The following FBXO36 variants were observed in gnomAD, a reference collection of about 807,000 sequenced individuals.
FBXO36 encodes F-box protein 36.
FBXO36 carries 18 observed loss-of-function variants against 17.0 expected under a neutral mutation model. The ratio of observed to expected loss-of-function variants is 1.06; its 90% CI spans 0.73 to 1.57. The LOEUF is 1.57. Among genes scored for constraint, FBXO36 ranks in the 40% most tolerant of loss-of-function variants. FBXO36 has a pLI of 0.00. For missense variants in FBXO36, 229 were observed against 221.9 expected, an observed-to-expected ratio of 1.03 and a Z score of -0.20; for synonymous variants, 83 against 85.3, an observed-to-expected ratio of 0.97 and a Z score of 0.15.
chr2:229,990,024 T>A (rs918503219), intron 2 of FBXO36, among the ~76,000 whole-genome samples: 1 of 151,856 alleles, frequency 6.6e-6, no homozygotes, highest in Non-Finnish European at 1.5e-5. Context: ...TAGAGCAAAC[T>A]CCCTGGGTTC....
intron 1 of FBXO36, among the ~76,000 whole-genome samples, chr2:229,955,120 G>T (rs575795456): frequency 2.2e-4 from 33 of 152,216 alleles, no homozygotes; most frequent in African/African-American, 7.9e-4. Context: ...CCAAAGTGTT[G>T]GGATTACAGG....
intron 2 of FBXO36, among the ~76,000 whole-genome samples, chr2:229,995,002 T>G (rs2077317535): frequency 6.6e-6 from 1 of 151,948 alleles, no homozygotes; most frequent in African/African-American, 2.4e-5. Flanking sequence ...TAATCCCAGC[T>G]ACTCAGGAGG....
intron 1 of FBXO36, among the ~76,000 whole-genome samples, chr2:229,930,689 T>C (rs183494975): frequency 7.9e-4 from 120 of 152,256 alleles, no homozygotes; most frequent in African/African-American, 2.8e-3. Context: ...AGGCAACAGT[T>C]GCAGTGAACC....
At chr2:229,969,507 T>C (rs2077170476) in intron 1 of FBXO36, among the ~76,000 whole-genome samples, 1 of 151,684 alleles carries the variant, frequency 6.6e-6, no homozygotes, top group African/African-American at 2.4e-5. Context: ...GCTAACGCGG[T>C]GAAACCCTGT....
chr2:229,923,853 T>TG (rs2076877490), intron 1 of FBXO36, among the ~76,000 whole-genome samples: 1 of 136,032 alleles, frequency 7.4e-6, no homozygotes, highest in Non-Finnish European at 1.6e-5. Flanking sequence ...TGTTGTTTTT[T>TG]TTTTTTTTTT....
At chr2:229,955,129 G>A (rs1178330786) in intron 1 of FBXO36, among the ~76,000 whole-genome samples, 6 of 152,158 alleles carry the variant, frequency 3.9e-5, no homozygotes, top group Non-Finnish European at 8.8e-5. Flanking sequence ...TGGGATTACA[G>A]GTGTGAGCCA....
At chr2:229,962,113 G>A (rs1377223739) in intron 1 of FBXO36, among the ~76,000 whole-genome samples, 1 of 151,880 alleles carries the variant, frequency 6.6e-6, no homozygotes, top group Non-Finnish European at 1.5e-5. Flanking sequence ...AACCTGTGAG[G>A]CAGAGGTTGC....
At chr2:229,952,500 C>G (rs2077062147) in intron 1 of FBXO36, among the ~76,000 whole-genome samples, 1 of 152,188 alleles carries the variant, frequency 6.6e-6, no homozygotes, top group African/African-American at 2.4e-5. Context: ...TCCCATGAGG[C>G]ATCCTCAGCT....
intron 1 of FBXO36, among the ~76,000 whole-genome samples, chr2:229,923,654 A>G (rs2076862206): frequency 6.6e-6 from 1 of 151,740 alleles, no homozygotes; most frequent in South Asian, 2.1e-4. Flanking sequence ...AATATTACAA[A>G]TGTAAAATCA....
intron 1 of FBXO36, among the ~76,000 whole-genome samples, chr2:229,955,543 G>A (rs2077083121): frequency 6.6e-6 from 1 of 151,854 alleles, no homozygotes; most frequent in Admixed American, 6.6e-5. Context: ...AGAGAAATAT[G>A]TTTACTTGTT....
intron 2 of FBXO36, among the ~76,000 whole-genome samples, chr2:229,979,852 G>A (rs1009172479): frequency 6.6e-6 from 1 of 151,312 alleles, no homozygotes; most frequent in Non-Finnish European, 1.5e-5. Context: ...TAATGAAAAA[G>A]AGAAGAAAAT....
At chr2:229,966,813 G>C (rs1287456886) in intron 1 of FBXO36, among the ~76,000 whole-genome samples, 1 of 152,152 alleles carries the variant, frequency 6.6e-6, no homozygotes, top group African/African-American at 2.4e-5. Context: ...GTCAGGTAGC[G>C]TGATGCCTCC....
chr2:229,976,453 G>A (rs748597482), intron 2 of FBXO36, 104 bp downstream of exon 2: 13 of 771,968 alleles, frequency 1.7e-5, no homozygotes, highest in East Asian at 1.1e-4. Flanking sequence ...ATATTGATAT[G>A]CAGTTATGTA....
intron 1 of FBXO36, among the ~76,000 whole-genome samples, chr2:229,930,971 T>C (rs1184637334): frequency 6.6e-6 from 1 of 152,230 alleles, no homozygotes; most frequent in Non-Finnish European, 1.5e-5. Context: ...TGCATTATTC[T>C]TCTGTTCCTC....
chr2:229,965,041 A>G (rs1000846531), intron 1 of FBXO36, among the ~76,000 whole-genome samples: 2 of 151,370 alleles, frequency 1.3e-5, no homozygotes, highest in African/African-American at 4.9e-5. Flanking sequence ...TTGTTTCTGG[A>G]TTTTGAGACA....
chr2:229,996,652 C>T (rs908722453), intron 2 of FBXO36, 99 bp from the exon 3 acceptor site: 2 of 1,317,272 alleles, frequency 1.5e-6, no homozygotes, highest in Non-Finnish European at 2.1e-6. Context: ...TAACGTCACT[C>T]CCAGGGGAAA....
chr2:229,982,985 T>C (rs2077248811), intron 2 of FBXO36, among the ~76,000 whole-genome samples: 1 of 152,120 alleles, frequency 6.6e-6, no homozygotes, highest in African/African-American at 2.4e-5. Flanking sequence ...TTTGCATTTT[T>C]ATTTTATTTA....
intron 3 of FBXO36, among the ~76,000 whole-genome samples, chr2:230,000,518 C>T (rs2077352843): frequency 6.6e-6 from 1 of 151,888 alleles, no homozygotes; most frequent in Non-Finnish European, 1.5e-5. Context: ...CTTCCATTTA[C>T]TTTCAGTAAA....
In FBXO36 at chr2:229,927,202, A is replaced by T. The variant is rs1337065693; in HGVS notation, c.96+4593A>T. 3.3e-5 allele frequency among the ~76,000 whole-genome samples: 5 copies of T among 152,200 alleles called. No homozygotes were observed. The East Asian group carries it at 7.7e-4, about 23-fold the overall frequency. Reference sequence around the variant, plus strand: ...TGAATATTATTTAGTTTGTACTTTCATGACACATATATATTCCTATTTATA... The same window carrying T: ...TGAATATTATTTAGTTTGTACTTTCTTGACACATATATATTCCTATTTATA... On this transcript the variant is annotated intron_variant, in intron 1 of 3. Transcript: ENST00000283946.
Sources: gnomAD v4.1 joint callset for allele counts (sites outside exome capture counted in the v4.1 genomes callset) on GRCh38, gnomAD v4.1.1 for gene constraint, MANE v1.5 for transcripts, NCBI Gene and HGNC (gene_info 2026-07-23, HGNC 2026-07-21) for gene names.